DMD: variants seen among roughly 807,000 people sequenced by gnomAD.
The protein encoded by DMD is mutant dystrophin.
DMD carries 63 observed loss-of-function variants against 330.1 expected under a neutral mutation model. The observed-to-expected ratio is 0.19, with a 90% CI of 0.16 to 0.24. The LOEUF (loss-of-function observed/expected upper bound fraction) is 0.24. Ranked by LOEUF, DMD falls within the 10% of genes least tolerant of loss-of-function variation. DMD has a pLI of 1.00. For synonymous variants in DMD, 1,223 were observed against 959.8 expected (o/e 1.27, Z -5.07); for missense variants, 3,344 against 2,684.1 (o/e 1.25, Z -5.43).
intron 1 of DMD, among the ~76,000 whole-genome samples, chrX:33,105,350 T>C (rs2095276476): frequency 9.0e-6 from 1 of 111,401 alleles, no homozygotes; most frequent in African/African-American, 3.3e-5. Flanking sequence ...GGAAAAACTC[T>C]CCTGGACATT....
At chrX:33,189,023 G>A (rs2050396484) in intron 1 of DMD, among the ~76,000 whole-genome samples, 1 of 111,427 alleles carries the variant, frequency 9.0e-6, no homozygotes, top group African/African-American at 3.3e-5. Flanking sequence ...GTCTACTGTG[G>A]TATTTTGTTA....
intron 28 of DMD, among the ~76,000 whole-genome samples, chrX:32,439,107 C>T (rs73619086): frequency 0.06 from 6,685 of 111,286 alleles, 465 homozygotes; most frequent in African/African-American, 0.2. Context: ...ATAGGCATGC[C>T]AGAAAACAAG....
intron 11 of DMD, among the ~76,000 whole-genome samples, chrX:32,617,697 C>G (rs1013377131): frequency 9.0e-6 from 1 of 110,785 alleles, no homozygotes; most frequent in African/African-American, 3.3e-5. Context: ...GCAACAAAAG[C>G]AAAAATAGAC....
chrX:32,713,487 T>C (rs1022751741), intron 7 of DMD, among the ~76,000 whole-genome samples: 3 of 111,592 alleles, frequency 2.7e-5, no homozygotes, highest in African/African-American at 6.5e-5. Context: ...AACAACTACA[T>C]TCCCTCCATT....
At chrX:32,790,039 A>G (rs1391362553) in intron 7 of DMD, among the ~76,000 whole-genome samples, 2 of 111,873 alleles carry the variant, frequency 1.8e-5, no homozygotes, top group African/African-American at 6.5e-5. Flanking sequence ...TCACTTTTCA[A>G]CTGGATATCA....
chrX:32,431,423 T>A (rs903175848), intron 29 of DMD, among the ~76,000 whole-genome samples: 1 of 111,085 alleles, frequency 9.0e-6, no homozygotes, highest in East Asian at 2.8e-4. Context: ...GGTTATATAA[T>A]TTTTTTATAT....
intron 6 of DMD, among the ~76,000 whole-genome samples, chrX:32,813,486 G>T: frequency 8.9e-6 from 1 of 111,868 alleles, no homozygotes; most frequent in Non-Finnish European, 1.9e-5. Context: ...CTATTTGTGA[G>T]ATGGGTAAAA....
chrX:31,141,397 AATATG>A (rs2036030469), intron 76 of DMD, among the ~76,000 whole-genome samples: 1 of 112,271 alleles, frequency 8.9e-6, no homozygotes, highest in Non-Finnish European at 1.9e-5. Flanking sequence ...AGAGGGGAAT[AATATG>A]ATATAATTTG....
chrX:32,477,403 A>G (rs1484952743), intron 21 of DMD, among the ~76,000 whole-genome samples: 3 of 111,130 alleles, frequency 2.7e-5, no homozygotes, highest in Non-Finnish European at 5.7e-5. Flanking sequence ...TAGTAAAGGA[A>G]TACAAAAAAG....
At chrX:32,146,417 G>A (rs1374973902) in intron 44 of DMD, among the ~76,000 whole-genome samples, 1 of 111,308 alleles carries the variant, frequency 9.0e-6, no homozygotes, top group Non-Finnish European at 1.9e-5. Context: ...AGATGAATAA[G>A]TGGATGGATG....
chrX:32,936,077 G>T (rs1478758510), intron 2 of DMD, among the ~76,000 whole-genome samples: 1 of 108,729 alleles, frequency 9.2e-6, no homozygotes, highest in African/African-American at 3.4e-5. Flanking sequence ...AAACTGTCTA[G>T]AAACCACAGG....
chrX:31,523,512 C>T (rs2073023503), intron 55 of DMD, among the ~76,000 whole-genome samples: 1 of 112,068 alleles, frequency 8.9e-6, no homozygotes, highest in Admixed American at 9.5e-5. Flanking sequence ...TACAAAATGA[C>T]CCGATTTGGG....
rs758296792 is a variant in DMD, at chrX:32,775,562, C to T, written c.649+33931G>A. On this transcript the variant is annotated intron_variant, in intron 7 of 78. Coordinates refer to ENST00000357033, the MANE Select transcript of DMD (RefSeq NM_004006.3). ...GCTGCCAAGGCTTGGGGCTTGCACCCTCTGAAGCAATGGTGCAAGATGTAC... is the reference window on the plus strand; with the variant it reads ...GCTGCCAAGGCTTGGGGCTTGCACCTTCTGAAGCAATGGTGCAAGATGTAC... Among the ~76,000 whole-genome samples, 316 of 113,359 alleles carry T rather than the reference C, an allele frequency of 2.8e-3. 2 individuals are homozygous for T. The highest frequency in any genetic ancestry group is 9.5e-3 in the African/African-American group (298 of 31,303).
chrX:32,483,409 A>G (rs929657992), intron 21 of DMD, among the ~76,000 whole-genome samples: 1 of 107,258 alleles, frequency 9.3e-6, no homozygotes, highest in African/African-American at 3.3e-5. Context: ...ACTATATATT[A>G]TTACGTATTT....
intron 19 of DMD, among the ~76,000 whole-genome samples, chrX:32,495,578 C>T (rs189996564): frequency 1.3e-3 from 150 of 111,969 alleles, no homozygotes; most frequent in African/African-American, 4.6e-3. Context: ...ATTACTTCAA[C>T]TTTATGAATT....
intron 2 of DMD, among the ~76,000 whole-genome samples, chrX:32,983,587 C>T (rs7059175): frequency 0.32 from 29,489 of 92,489 alleles, 5,389 homozygotes; most frequent in African/African-American, 0.69. Flanking sequence ...ATAGGAACAC[C>T]GAGAGAAACT....
At chrX:32,484,593 T>C (rs773935105) in intron 21 of DMD, among the ~76,000 whole-genome samples, 1 of 112,168 alleles carries the variant, frequency 8.9e-6, no homozygotes, top group African/African-American at 3.2e-5. Flanking sequence ...CCAGACTTAA[T>C]TGAAGTGTAT....
intron 44 of DMD, among the ~76,000 whole-genome samples, chrX:32,101,345 C>A (rs755094941): frequency 2.4e-4 from 27 of 111,109 alleles, no homozygotes; most frequent in African/African-American, 8.5e-4. Context: ...CTCTCTCCAG[C>A]TCAATTTAGG....
At chrX:32,556,877 T>C (rs977961737) in intron 16 of DMD, among the ~76,000 whole-genome samples, 2 of 111,999 alleles carry the variant, frequency 1.8e-5, no homozygotes, top group Admixed American at 9.5e-5. Flanking sequence ...AGATACTTAC[T>C]AGAAAGATTC....
Sources: gnomAD v4.1 joint callset for allele counts (sites outside exome capture counted in the v4.1 genomes callset) on GRCh38, gnomAD v4.1.1 for gene constraint, MANE v1.5 for transcripts, NCBI Gene and HGNC (gene_info 2026-07-23, HGNC 2026-07-21) for gene names.